The following SLC14A1 variants were observed in gnomAD, a reference collection of about 807,000 sequenced individuals.
SLC14A1 encodes urea transporter 1.
A neutral mutation model predicts 39.6 loss-of-function variants in SLC14A1; 36 were observed. That is an observed-to-expected ratio of 0.91 (90% CI 0.70 to 1.20). SLC14A1 has a LOEUF of 1.20. SLC14A1 is among the 50% of genes most tolerant of loss of function. The pLI is 0.00. For missense variants in SLC14A1, 469 were observed against 478.7 expected (o/e 0.98, Z 0.19); for synonymous variants, 164 against 173.6 (o/e 0.94, Z 0.43).
In SLC14A1 at chr18:45,750,281, G is replaced by A; in HGVS notation, c.*330G>A. 1.6e-6 allele frequency: 2 copies of A among 1,221,838 alleles called. No individual in the cohort carries two copies. The highest frequency in any genetic ancestry group is 1.0e-6 in the Non-Finnish European group (1 of 971,848). 75.7% of individuals were successfully genotyped at this position (1,221,838 alleles called of 1,614,324 possible). On this transcript the variant is annotated 3_prime_UTR_variant, in exon 10 of 10. Transcript: ENST00000321925. ...ACTATTAGTATTTATTGATATTCTT[G>A]GTGTTTAGCTGGCTCGATGATGTTA...
In SLC14A1 at chr18:45,750,283, T is replaced by A; in HGVS notation, c.*332T>A. The A allele has an allele frequency of 8.1e-7, 1 of 1,227,462 alleles. No homozygotes were observed. The highest frequency in any genetic ancestry group is 1.0e-6 in the Non-Finnish European group (1 of 974,850). The allele number at this position is 1,227,462 out of a possible 1,614,324, so 76.0% of individuals were successfully genotyped here. On this transcript the variant is annotated 3_prime_UTR_variant, in exon 10 of 10. Transcript: ENST00000321925. ...TATTAGTATTTATTGATATTCTTGG[T>A]GTTTAGCTGGCTCGATGATGTTAAC... is the stretch of plus-strand genomic sequence containing the variant.
intron 2 of SLC14A1, chr18:45,726,664 T>C (rs2144730827): frequency 6.6e-6 from 1 of 152,226 alleles, no homozygotes; most frequent in Admixed American, 6.5e-5. Flanking sequence ...TAAACACAGC[T>C]GGATGTGGTG....
At chr18:45,731,271 G>T in intron 4 of SLC14A1, 67 bp downstream of exon 4, 1 of 1,431,034 alleles carries the variant, frequency 7.0e-7, no homozygotes, top group Non-Finnish European at 9.8e-7. Context: ...GTTACTGTGG[G>T]CAACAGTGAT....
chr18:45,740,862 A>G (rs1185812702), intron 8 of SLC14A1, among the ~76,000 whole-genome samples: 1 of 152,156 alleles, frequency 6.6e-6, no homozygotes, highest in Non-Finnish European at 1.5e-5. Context: ...ACAAGTTCTC[A>G]GGGGGTGCTG....
intron 8 of SLC14A1, among the ~76,000 whole-genome samples, chr18:45,743,055 T>A (rs1361893571): frequency 6.6e-6 from 1 of 152,244 alleles, no homozygotes; most frequent in East Asian, 1.9e-4. Context: ...TTCCCCAAAG[T>A]GGGAATCTTT....
intron 2 of SLC14A1, chr18:45,727,223 G>A (rs1486831807): frequency 6.5e-7 from 1 of 1,543,368 alleles, no homozygotes; most frequent in South Asian, 1.2e-5. Flanking sequence ...CACACGTCAT[G>A]CTGATTCACA....
Position 45,750,995 on chromosome 18 carries a change from T to A in SLC14A1, c.*1044T>A. On this transcript the variant is annotated 3_prime_UTR_variant, in exon 10 of 10. Transcript: ENST00000321925. ...TAATTTAAAAAAGCTCATTATTTTT[T>A]GCACACTCACAATATTCTCTCTCAG... 1.0e-6 allele frequency: 1 copy of A among 985,310 alleles called. No homozygotes were observed. Among genetic ancestry groups the A allele is most frequent in the Non-Finnish European group, 1.2e-6 (1 of 829,838 alleles). The allele number at this position is 985,310 out of a possible 1,614,324, so 61.0% of individuals were successfully genotyped here.
At chr18:45,738,785 T>C (rs1177884308) in intron 6 of SLC14A1, among the ~76,000 whole-genome samples, 1 of 152,064 alleles carries the variant, frequency 6.6e-6, no homozygotes, top group East Asian at 1.9e-4. Context: ...GCAAAAGAAG[T>C]GTCAGCTGTG....
Position 45,731,358 on chromosome 18 carries a change from G to C in SLC14A1, c.341+154G>C, listed in dbSNP as rs928072537. The C allele has an allele frequency of 6.6e-6, 5 of 755,194 alleles. No individual in the cohort carries two copies. In the African/African-American group the frequency reaches 8.6e-5, roughly 13 times the overall value. 46.8% of individuals were successfully genotyped at this position (755,194 alleles called of 1,614,324 possible). Reference sequence around the variant, plus strand: ...TATTTGTTTTTAGTCAGAGGTCAGGGAATCAGTTACAGTCTCTTGCTCTTG... The same window carrying C: ...TATTTGTTTTTAGTCAGAGGTCAGGCAATCAGTTACAGTCTCTTGCTCTTG... On this transcript the variant is annotated intron_variant, in intron 4 of 9. Transcript: ENST00000321925.
chr18:45,727,941 TC>T (rs2046920232), intron 2 of SLC14A1, among the ~76,000 whole-genome samples: 1 of 152,206 alleles, frequency 6.6e-6, no homozygotes, highest in Non-Finnish European at 1.5e-5. Flanking sequence ...GAGTCAGGTC[TC>T]CCAGGGGCTC....
rs769285775 is a variant in SLC14A1 at position 45,736,572 on chromosome 18, C to T, written c.587C>T (p.Pro196Leu). 8 of 1,613,992 alleles carry T rather than the reference C, an allele frequency of 5.0e-6. No homozygotes were observed. Among genetic ancestry groups the T allele is most frequent in the South Asian group, 1.1e-5 (1 of 91,076 alleles). ...CTTTCAGCCACAGGACATTACAATC[C>T]ATTCTTTCCAGCCAAACTGGTCATA... Reference protein sequence around the residue: ...MYLSATGHYNPFFPAKLVIPI... With the variant: ...MYLSATGHYNLFFPAKLVIPI... The change falls in exon 6 of 10, where the codon CCA (proline) becomes CTA (leucine). Residue 196 changes from proline to leucine, a missense_variant. By Grantham distance (98) the Pro-to-Leu change is moderately conservative. Transcript: ENST00000321925.
Position 45,751,359 on chromosome 18 carries a change from AAAC to A in SLC14A1, c.*1411_*1413del. On this transcript the variant is annotated 3_prime_UTR_variant, in exon 10 of 10. Coordinates refer to ENST00000321925, the MANE Select transcript of SLC14A1 (RefSeq NM_015865.7). ...GTGTCTCTCAAAAAAAAAAAAAAAC[AAAC>A]AAAAACAAAAACAAAACAAAACAAA... 3.1e-5 allele frequency: 25 copies of A among 817,892 alleles called. No individual in the cohort carries two copies. Among genetic ancestry groups the A allele is most frequent in the South Asian group, 1.3e-4 (2 of 15,864 alleles). The allele number at this position is 817,892 out of a possible 1,614,324, so 50.7% of individuals were successfully genotyped here.
intron 4 of SLC14A1, chr18:45,734,064 TA>T: frequency 1.7e-6 from 1 of 578,046 alleles, no homozygotes; most frequent in Non-Finnish European, 3.0e-6. Context: ...ACCACTGATC[TA>T]AATGCACATT....
chr18:45,736,075 G>T (rs1347387653), intron 5 of SLC14A1, among the ~76,000 whole-genome samples: 2 of 152,154 alleles, frequency 1.3e-5, no homozygotes, highest in Non-Finnish European at 2.9e-5. Flanking sequence ...TCAGAATCAG[G>T]GTTGCCTCTA....
intron 9 of SLC14A1, 107 bp downstream of exon 9, chr18:45,748,532 T>C: frequency 3.5e-6 from 4 of 1,135,512 alleles, no homozygotes; most frequent in Non-Finnish European, 4.0e-6. Flanking sequence ...GCAGGATCCA[T>C]GACCATGAGA....
At chr18:45,742,917 A>G (rs1353223081) in intron 8 of SLC14A1, among the ~76,000 whole-genome samples, 1 of 151,900 alleles carries the variant, frequency 6.6e-6, no homozygotes, top group Non-Finnish European at 1.5e-5. Context: ...TGAACTCCTG[A>G]CCTCGTGATC....
chr18:45,744,191 T>C (rs1034829934), intron 8 of SLC14A1, among the ~76,000 whole-genome samples: 1 of 152,172 alleles, frequency 6.6e-6, no homozygotes, highest in African/African-American at 2.4e-5. Flanking sequence ...TTTTTGTACT[T>C]TTTGTAGAGA....
At position 45,750,656 on chromosome 18, in the gene SLC14A1, T is replaced by G. The variant is rs2047679251; in HGVS notation, c.*705T>G. The G allele has an allele frequency of 1.0e-6, 1 of 985,786 alleles. No homozygotes were observed. Among genetic ancestry groups the G allele is most frequent in the Admixed American group, 6.1e-5 (1 of 16,348 alleles). The allele number at this position is 985,786 out of a possible 1,614,324, so 61.1% of individuals were successfully genotyped here. A position where few individuals can be genotyped will look rare whatever the true frequency, so the allele number is the denominator to read the frequency against. ...TTTTCTCAGAGATTGCAAAGGATTTTTTAGGTAGAGATTATTTTTCCTTAT... is the reference window on the plus strand; with the variant it reads ...TTTTCTCAGAGATTGCAAAGGATTTGTTAGGTAGAGATTATTTTTCCTTAT... On this transcript the variant is annotated 3_prime_UTR_variant, in exon 10 of 10. Coordinates refer to ENST00000321925, the MANE Select transcript of SLC14A1 (RefSeq NM_015865.7).
chr18:45,731,366 T>C, intron 4 of SLC14A1, 162 bp downstream of exon 4: 1 of 721,358 alleles, frequency 1.4e-6, no homozygotes, highest in Non-Finnish European at 2.4e-6. Flanking sequence ...GGGAATCAGT[T>C]ACAGTCTCTT....
Sources: allele counts gnomAD v4.1 joint callset (sites outside exome capture counted in the v4.1 genomes callset), GRCh38; gene constraint gnomAD v4.1.1; transcripts MANE v1.5; gene names NCBI Gene and HGNC (gene_info 2026-07-23, HGNC 2026-07-21).